TMEM74: variants seen among roughly 807,000 people sequenced by gnomAD.
The protein encoded by TMEM74 is transmembrane protein 74.
TMEM74 carries 13 observed loss-of-function variants against 18.1 expected under a neutral mutation model. The ratio of observed to expected loss-of-function variants is 0.72; its 90% confidence interval spans 0.47 to 1.14. The LOEUF (loss-of-function observed/expected upper bound fraction) is 1.14. TMEM74 is among the 50% of genes most tolerant of loss of function. The pLI, the probability that TMEM74 is intolerant of heterozygous loss-of-function variation, is 0.00. For missense variants in TMEM74, 372 were observed against 375.9 expected, an observed-to-expected ratio of 0.99 and a Z score of 0.09; for synonymous variants, 159 against 146.6, an observed-to-expected ratio of 1.08 and a Z score of -0.61.
intron 1 of TMEM74, among the ~76,000 whole-genome samples, chr8:108,744,541 A>C (rs922753765): frequency 9.2e-5 from 14 of 152,204 alleles, no homozygotes; most frequent in Non-Finnish European, 1.3e-4. Context: ...TATGAGACAC[A>C]TTAGTGCATA....
chr8:108,669,134 C>G (rs1174729514), intron 1 of TMEM74, among the ~76,000 whole-genome samples: 3 of 152,056 alleles, frequency 2.0e-5, no homozygotes, highest in Admixed American at 1.3e-4. Context: ...AGAGCATATG[C>G]AGGCAATACT....
chr8:108,662,329 A>G (rs1390587917), intron 1 of TMEM74, among the ~76,000 whole-genome samples: 2 of 152,106 alleles, frequency 1.3e-5, no homozygotes, highest in African/African-American at 4.8e-5. Flanking sequence ...ACAGATAGGC[A>G]GTGAGGGAAC....
intron 1 of TMEM74, among the ~76,000 whole-genome samples, chr8:108,699,193 C>A (rs1213149268): frequency 7.3e-6 from 1 of 136,796 alleles, no homozygotes; most frequent in Non-Finnish European, 1.6e-5. Flanking sequence ...TCCTCCCTCC[C>A]TCCCTCCCTC....
At chr8:108,652,763 G>T (rs915014809) in intron 2 of TMEM74, 6 of 530,970 alleles carry the variant, frequency 1.1e-5, no homozygotes, top group African/African-American at 9.7e-5. Context: ...CAGGACAAAG[G>T]CTGTGTATCA....
At chr8:108,651,735 G>A (rs1385087532) in intron 2 of TMEM74, among the ~76,000 whole-genome samples, 1 of 151,994 alleles carries the variant, frequency 6.6e-6, no homozygotes, top group Admixed American at 6.6e-5. Context: ...TGGACCCCCA[G>A]TTGACAAGGA....
chr8:108,681,235 C>G (rs1813111419), intron 1 of TMEM74, among the ~76,000 whole-genome samples: 1 of 152,132 alleles, frequency 6.6e-6, no homozygotes, highest in Admixed American at 6.5e-5. Flanking sequence ...AAGAACAAAG[C>G]CGGAGGCATC....
At chr8:108,627,727 G>A (rs909751693) in intron 2 of TMEM74, among the ~76,000 whole-genome samples, 1 of 151,994 alleles carries the variant, frequency 6.6e-6, no homozygotes, top group Admixed American at 6.6e-5. Context: ...GACCCATAGT[G>A]AGGGGAATGA....
intron 2 of TMEM74, among the ~76,000 whole-genome samples, chr8:108,616,890 C>T (rs1261073321): frequency 6.6e-6 from 1 of 151,570 alleles, no homozygotes; most frequent in Non-Finnish European, 1.5e-5. Context: ...AATAAAGATA[C>T]CTGGAGTTGG....
At chr8:108,616,513 T>A (rs1812385488) in intron 2 of TMEM74, among the ~76,000 whole-genome samples, 2 of 152,326 alleles carry the variant, frequency 1.3e-5, no homozygotes, top group South Asian at 4.1e-4. Flanking sequence ...GAGATTTTTT[T>A]AAATAGGCAA....
At chr8:108,705,051 A>G (rs1251247136) in intron 1 of TMEM74, among the ~76,000 whole-genome samples, 2 of 152,246 alleles carry the variant, frequency 1.3e-5, no homozygotes, top group Non-Finnish European at 2.9e-5. Context: ...CATCACTTTT[A>G]GTAAAATCAT....
intron 1 of TMEM74, among the ~76,000 whole-genome samples, chr8:108,690,471 G>A (rs990303822): frequency 1.3e-5 from 2 of 151,368 alleles, no homozygotes; most frequent in East Asian, 1.9e-4. Context: ...GCTCTGGCAA[G>A]GCAGGTTTTT....
At chr8:108,776,942 T>A (rs1411633143), downstream of TMEM74, among the ~76,000 whole-genome samples, 3 of 152,180 alleles carry the variant, frequency 2.0e-5, no homozygotes, top group Non-Finnish European at 4.4e-5. Flanking sequence ...ATAATCAACA[T>A]GAACATATAG....
chr8:108,629,802 C>A (rs1323627160), intron 2 of TMEM74, among the ~76,000 whole-genome samples: 1 of 152,036 alleles, frequency 6.6e-6, no homozygotes, highest in Non-Finnish European at 1.5e-5. Flanking sequence ...TTTGTCACCA[C>A]CAGGCCTGCC....
chr8:108,644,629 T>C (rs776948103), intron 2 of TMEM74, among the ~76,000 whole-genome samples: 2 of 149,324 alleles, frequency 1.3e-5, no homozygotes, highest in Non-Finnish European at 3.0e-5. Flanking sequence ...ATCTAGACTT[T>C]ATAAAGAACT....
chr8:108,637,759 A>G (rs1215993533), intron 2 of TMEM74, among the ~76,000 whole-genome samples: 1 of 152,170 alleles, frequency 6.6e-6, no homozygotes, highest in African/African-American at 2.4e-5. Context: ...AATGTAAAAG[A>G]ATGAATTTGT....
intron 1 of TMEM74, among the ~76,000 whole-genome samples, chr8:108,664,180 A>C (rs1005767668): frequency 8.8e-6 from 1 of 114,122 alleles, no homozygotes; most frequent in Non-Finnish European, 2.1e-5. Flanking sequence ...TGGTAGTTTC[A>C]TAGGAATAGC....
chr8:108,727,517 C>T (rs1250426961), intron 1 of TMEM74, among the ~76,000 whole-genome samples: 2 of 152,072 alleles, frequency 1.3e-5, no homozygotes, highest in Admixed American at 6.6e-5. Flanking sequence ...GATAGATTTG[C>T]CATCAACTGA....
chr8:108,710,204 T>A (rs1813460780), intron 1 of TMEM74, among the ~76,000 whole-genome samples: 1 of 152,234 alleles, frequency 6.6e-6, no homozygotes, highest in Non-Finnish European at 1.5e-5. Context: ...ATGCGTTTAG[T>A]ATATTCTTAC....
At chr8:108,754,425 A>AT (rs1563543040) in intron 1 of TMEM74, among the ~76,000 whole-genome samples, 1 of 151,980 alleles carries the variant, frequency 6.6e-6, no homozygotes, top group Non-Finnish European at 1.5e-5. Flanking sequence ...TCCTTGTGTG[A>AT]TCCCTTCCAC....
Sources: allele counts gnomAD v4.1 joint callset (sites outside exome capture counted in the v4.1 genomes callset), GRCh38; gene constraint gnomAD v4.1.1; transcripts MANE v1.5; gene names NCBI Gene and HGNC (gene_info 2026-07-23, HGNC 2026-07-21).